Variants in LMNTD1 observed in about 807,000 individuals in gnomAD.
LMNTD1 encodes the protein lamin tail domain containing 1, also known as lamin tail domain-containing protein 1.
LMNTD1 carries 35 observed loss-of-function variants against 50.9 expected under a neutral mutation model. That is an observed-to-expected ratio of 0.69 (90% CI 0.53 to 0.91). The LOEUF (loss-of-function observed/expected upper bound fraction) is 0.91. Ranked by LOEUF, LMNTD1 falls within the 40% of genes least tolerant of loss-of-function variation. LMNTD1 has a pLI of 0.00. For missense variants in LMNTD1, 470 were observed against 475.5 expected (o/e 0.99, Z 0.11); for synonymous variants, 153 against 161.9 (o/e 0.94, Z 0.42).
intron 1 of LMNTD1, among the ~76,000 whole-genome samples, chr12:25,638,071 T>C (rs893190603): frequency 1.3e-5 from 2 of 151,660 alleles, no homozygotes; most frequent in African/African-American, 4.8e-5. Flanking sequence ...ACCACATTAA[T>C]AAAACAAAGA....
At chr12:25,483,603 C>T (rs1017480213) in intron 9 of LMNTD1, among the ~76,000 whole-genome samples, 2 of 151,298 alleles carry the variant, frequency 1.3e-5, no homozygotes, top group Non-Finnish European at 2.9e-5. Flanking sequence ...GAAACCCCGC[C>T]TCTACTAAAA....
At chr12:25,633,755 C>A (rs1415945509) in intron 1 of LMNTD1, among the ~76,000 whole-genome samples, 1 of 152,114 alleles carries the variant, frequency 6.6e-6, no homozygotes, top group African/African-American at 2.4e-5. Flanking sequence ...TCTAAGGTCA[C>A]ACCTCAAGGA....
chr12:25,586,749 C>T (rs1945538070), intron 1 of LMNTD1, among the ~76,000 whole-genome samples: 3 of 152,176 alleles, frequency 2.0e-5, no homozygotes, highest in Non-Finnish European at 2.9e-5. Context: ...GTCTCTGATA[C>T]GATGGTGAAC....
chr12:25,645,797 G>T (rs1228368844), intron 1 of LMNTD1, among the ~76,000 whole-genome samples: 1 of 152,184 alleles, frequency 6.6e-6, no homozygotes, highest in African/African-American at 2.4e-5. Context: ...CCTTCACAGG[G>T]TTGTTATGCA....
At chr12:25,545,703 G>A in intron 4 of LMNTD1, among the ~76,000 whole-genome samples, 1 of 151,594 alleles carries the variant, frequency 6.6e-6, no homozygotes, top group East Asian at 1.9e-4. Context: ...ATTCTCCACT[G>A]TTAAATTGTA....
At chr12:25,538,044 G>C (rs1020272327) in intron 4 of LMNTD1, among the ~76,000 whole-genome samples, 6 of 146,304 alleles carry the variant, frequency 4.1e-5, no homozygotes, top group South Asian at 2.2e-4. Flanking sequence ...AAAGAAACGA[G>C]CAAAGCCTCC....
intron 4 of LMNTD1, among the ~76,000 whole-genome samples, chr12:25,528,384 G>A (rs1415516515): frequency 6.6e-6 from 1 of 152,072 alleles, no homozygotes; most frequent in African/African-American, 2.4e-5. Flanking sequence ...TCTCAAATAG[G>A]TTTGACCTAA....
In LMNTD1 at chr12:25,536,695, A is replaced by C. The variant is rs1001226492; in HGVS notation, c.491+9679T>G. On this transcript the variant is annotated intron_variant, in intron 4 of 9. Coordinates refer to ENST00000458174, the MANE Select transcript of LMNTD1 (RefSeq NM_001145728.2). Reference sequence around the variant, plus strand: ...TTAAAAAATTAGGGGAGAAAAAAAAAGCAAATAAAGCCCAAAGTAGGGGAG... The same window carrying C: ...TTAAAAAATTAGGGGAGAAAAAAAACGCAAATAAAGCCCAAAGTAGGGGAG... 3.9e-5 allele frequency among the ~76,000 whole-genome samples: 5 copies of C among 127,832 alleles called. No homozygotes were observed. The South Asian group carries it at 1.3e-3, about 32-fold the overall frequency. 83.9% of individuals were successfully genotyped at this position (127,832 alleles called of 152,430 possible). A position where few individuals can be genotyped will look rare whatever the true frequency, so the allele number is the denominator to read the frequency against.
intron 1 of LMNTD1, among the ~76,000 whole-genome samples, chr12:25,635,756 C>A (rs1339285185): frequency 1.3e-5 from 2 of 152,120 alleles, no homozygotes; most frequent in Non-Finnish European, 2.9e-5. Context: ...CCATAGCTAC[C>A]AAAACAGCAT....
At chr12:25,522,863 A>G (rs1368997958) in intron 6 of LMNTD1, among the ~76,000 whole-genome samples, 1 of 152,186 alleles carries the variant, frequency 6.6e-6, no homozygotes, top group Non-Finnish European at 1.5e-5. Flanking sequence ...GTAGAATAAC[A>G]ATTATGTAGT....
intron 9 of LMNTD1, among the ~76,000 whole-genome samples, chr12:25,480,973 TC>T (rs1938425638): frequency 6.6e-6 from 1 of 152,198 alleles, no homozygotes; most frequent in African/African-American, 2.4e-5. Flanking sequence ...TTCACAAGGC[TC>T]TACAAGACCT....
chr12:25,610,191 G>C (rs1946210317), intron 1 of LMNTD1, among the ~76,000 whole-genome samples: 2 of 152,162 alleles, frequency 1.3e-5, no homozygotes, highest in African/African-American at 4.8e-5. Context: ...AAGACTGTTG[G>C]AAAAGTGCAG....
intron 1 of LMNTD1, among the ~76,000 whole-genome samples, chr12:25,602,689 A>C (rs1946007462): frequency 6.6e-6 from 1 of 151,898 alleles, no homozygotes; most frequent in South Asian, 2.1e-4. Context: ...ACTCCAATAC[A>C]TTTGGATTTT....
intron 1 of LMNTD1, among the ~76,000 whole-genome samples, chr12:25,600,338 G>T (rs1316312239): frequency 6.6e-6 from 1 of 151,810 alleles, no homozygotes; most frequent in African/African-American, 2.4e-5. Context: ...CTCAAAATGT[G>T]AAAGTACTAC....
intron 9 of LMNTD1, among the ~76,000 whole-genome samples, chr12:25,484,204 A>G (rs150870713): frequency 6.6e-6 from 1 of 152,024 alleles, no homozygotes; most frequent in African/African-American, 2.4e-5. Flanking sequence ...TTTTAAAATA[A>G]AAGTGTTTAC....
chr12:25,532,378 C>A (rs975433117), intron 4 of LMNTD1, among the ~76,000 whole-genome samples: 2 of 152,124 alleles, frequency 1.3e-5, no homozygotes, highest in African/African-American at 4.8e-5. Flanking sequence ...CTTGAAGTTT[C>A]AACTGAAAGC....
intron 1 of LMNTD1, among the ~76,000 whole-genome samples, chr12:25,631,258 C>T (rs1592122394): frequency 6.6e-6 from 1 of 152,166 alleles, no homozygotes; most frequent in African/African-American, 2.4e-5. Flanking sequence ...GTTCTAGGGC[C>T]CTGCCCACTG....
chr12:25,641,668 G>T (rs1946961357), intron 1 of LMNTD1, among the ~76,000 whole-genome samples: 1 of 151,938 alleles, frequency 6.6e-6, no homozygotes, highest in South Asian at 2.1e-4. Flanking sequence ...ATCCACAAGG[G>T]TAAACATTTA....
chr12:25,557,287 G>A (rs1230657376), upstream of LMNTD1: 1 of 152,116 alleles, frequency 6.6e-6, no homozygotes, highest in Non-Finnish European at 1.5e-5. Flanking sequence ...TTTCAAGAGA[G>A]GCTAGAGGAC....
Sources: allele counts gnomAD v4.1 joint callset (sites outside exome capture counted in the v4.1 genomes callset), GRCh38; gene constraint gnomAD v4.1.1; transcripts MANE v1.5; gene names NCBI Gene and HGNC (gene_info 2026-07-23, HGNC 2026-07-21).